Variants in EML4 observed in about 807,000 individuals in gnomAD.
The protein encoded by EML4 is EMAP like 4.
Under a neutral mutation model 129.0 loss-of-function variants are expected in EML4, and 72 were observed. The ratio of observed to expected loss-of-function variants is 0.56; its 90% CI spans 0.46 to 0.68. The LOEUF (loss-of-function observed/expected upper bound fraction) is 0.68, where lower values mean the gene tolerates loss of function less well. Among genes scored for constraint, EML4 ranks in the 30% least tolerant of loss-of-function variants. EML4 has a pLI of 0.00. For missense variants in EML4, 1,363 were observed against 1,190.6 expected (o/e 1.14, Z -2.13); for synonymous variants, 532 against 405.0 (o/e 1.31, Z -3.77).
chr2:42,197,410 C>A (rs765113973), intron 1 of EML4, among the ~76,000 whole-genome samples: 1 of 142,192 alleles, frequency 7.0e-6, no homozygotes, highest in African/African-American at 3.1e-5. Context: ...AGAAAAAGAA[C>A]CCCCCAAAAA....
chr2:42,191,377 T>A (rs1179817676), intron 1 of EML4, among the ~76,000 whole-genome samples: 1 of 152,152 alleles, frequency 6.6e-6, no homozygotes, highest in Non-Finnish European at 1.5e-5. Context: ...TGGAACAACA[T>A]CCTCAAAGTT....
intron 17 of EML4, among the ~76,000 whole-genome samples, chr2:42,311,312 A>G (rs1237565783): frequency 6.6e-6 from 1 of 152,174 alleles, no homozygotes; most frequent in East Asian, 1.9e-4. Context: ...CACACCTGTA[A>G]TCCCAGCACT....
intron 6 of EML4, among the ~76,000 whole-genome samples, chr2:42,275,964 A>G (rs1355590753): frequency 6.6e-6 from 1 of 152,108 alleles, no homozygotes; most frequent in Admixed American, 6.6e-5. Flanking sequence ...CTGGTGGTTT[A>G]TAGTGAAGAC....
At chr2:42,260,800 G>C (rs1191115597) in intron 3 of EML4, among the ~76,000 whole-genome samples, 1 of 152,106 alleles carries the variant, frequency 6.6e-6, no homozygotes. Flanking sequence ...CTCTGATTTG[G>C]GTAACTTGAG....
At chr2:42,262,951 T>G (rs1298679438) in intron 4 of EML4, among the ~76,000 whole-genome samples, 1 of 152,200 alleles carries the variant, frequency 6.6e-6, no homozygotes, top group Non-Finnish European at 1.5e-5. Flanking sequence ...AATCAGGTAA[T>G]ATTTGTTCTA....
At chr2:42,227,062 T>A (rs1319014172) in intron 1 of EML4, among the ~76,000 whole-genome samples, 3 of 152,204 alleles carry the variant, frequency 2.0e-5, no homozygotes. Context: ...TAATCCAGAC[T>A]TTTTTCCACT....
At chr2:42,259,981 C>T (rs1405313915) in intron 3 of EML4, among the ~76,000 whole-genome samples, 4 of 151,824 alleles carry the variant, frequency 2.6e-5, no homozygotes, top group South Asian at 2.1e-4. Flanking sequence ...CCACCCACCT[C>T]GGCCTCCCAG....
In EML4 at chr2:42,298,696, AT is replaced by A. The variant is rs796229536; in HGVS notation, c.1490-2536del. Among the ~76,000 whole-genome samples the A allele has an allele frequency of 7.4e-3, 1,113 of 151,140 alleles. 13 individuals carry two copies. Among genetic ancestry groups the A allele is most frequent in the African/African-American group, 0.025 (1,045 of 41,170 alleles). On this transcript the variant is annotated intron_variant, in intron 13 of 22. Transcript: ENST00000318522. ...TTTCTGATGAAGCATTTTTTTCTTCATTTTTTTTTCCAGTTTTCCATCATTC... is the reference window on the plus strand; with the variant it reads ...TTTCTGATGAAGCATTTTTTTCTTCATTTTTTTTCCAGTTTTCCATCATTC...
chr2:42,190,280 C>T (rs569200597), intron 1 of EML4, among the ~76,000 whole-genome samples: 10 of 152,204 alleles, frequency 6.6e-5, no homozygotes, highest in African/African-American at 2.4e-4. Flanking sequence ...CCTGCTGAGT[C>T]CCCCCACAAT....
intron 11 of EML4, 60 bp downstream of exon 11, chr2:42,288,382 T>C: frequency 3.4e-6 from 3 of 875,510 alleles, no homozygotes; most frequent in Non-Finnish European, 5.5e-6. Flanking sequence ...TTGCAGGTAT[T>C]TGGAACTATA....
chr2:42,291,471 G>A lies in EML4; in HGVS notation c.1218+3149G>A, dbSNP rs921989832. On this transcript the variant is annotated intron_variant, in intron 11 of 22. Coordinates refer to ENST00000318522, the MANE Select transcript of EML4 (RefSeq NM_019063.5). ...GCTGGAGTGCAGTGGCATGATCTTG[G>A]CTCACTGCTGCAGCCTCCGCCTCCT... Among the ~76,000 whole-genome samples the A allele has an allele frequency of 4.1e-5, 6 of 147,828 alleles. No homozygotes were observed. The East Asian group carries it at 9.9e-4, about 24-fold the overall frequency.
chr2:42,311,803 C>T (rs1042384115), intron 17 of EML4, among the ~76,000 whole-genome samples: 1 of 152,152 alleles, frequency 6.6e-6, no homozygotes, highest in Admixed American at 6.5e-5. Flanking sequence ...GAAACATAAC[C>T]TATGGGTACT....
At chr2:42,307,555 G>T (rs1236133907) in intron 17 of EML4, among the ~76,000 whole-genome samples, 1 of 152,142 alleles carries the variant, frequency 6.6e-6, no homozygotes, top group Non-Finnish European at 1.5e-5. Flanking sequence ...TGAATGTATT[G>T]TCTAAAATGG....
At chr2:42,205,610 C>G (rs1340030375) in intron 1 of EML4, among the ~76,000 whole-genome samples, 2 of 152,072 alleles carry the variant, frequency 1.3e-5, no homozygotes, top group African/African-American at 4.8e-5. Context: ...AGTGGAAGAT[C>G]TGTTAGTGCA....
chr2:42,205,894 A>T (rs1229610479), intron 1 of EML4, among the ~76,000 whole-genome samples: 1 of 152,098 alleles, frequency 6.6e-6, no homozygotes, highest in Non-Finnish European at 1.5e-5. Context: ...ATATTCTGCC[A>T]CTTTGGAATT....
At chr2:42,171,644 T>A (rs1203462246) in intron 1 of EML4, among the ~76,000 whole-genome samples, 1 of 152,194 alleles carries the variant, frequency 6.6e-6, no homozygotes, top group Non-Finnish European at 1.5e-5. Context: ...TTGGGTGGTA[T>A]GTGATGAGAC....
At chr2:42,319,331 G>C (rs1256030207) in intron 19 of EML4, among the ~76,000 whole-genome samples, 1 of 152,160 alleles carries the variant, frequency 6.6e-6, no homozygotes, top group African/African-American at 2.4e-5. Flanking sequence ...AGAATGACTT[G>C]GAAGTATTGA....
intron 1 of EML4, among the ~76,000 whole-genome samples, chr2:42,224,568 T>C (rs563365108): frequency 2.0e-5 from 3 of 152,216 alleles, no homozygotes; most frequent in Admixed American, 1.3e-4. Context: ...GTGTATACTT[T>C]AGGAGTGGCG....
At chr2:42,293,391 A>G (rs1667765214) in intron 11 of EML4, among the ~76,000 whole-genome samples, 1 of 152,154 alleles carries the variant, frequency 6.6e-6, no homozygotes, top group Non-Finnish European at 1.5e-5. Flanking sequence ...ATAAGCCACA[A>G]CACCTGGCCT....
Sources: allele counts gnomAD v4.1 joint callset (sites outside exome capture counted in the v4.1 genomes callset), GRCh38; gene constraint gnomAD v4.1.1; transcripts MANE v1.5; gene names NCBI Gene and HGNC (gene_info 2026-07-23, HGNC 2026-07-21).